Variants in ANXA8 observed in about 807,000 individuals in gnomAD.
The protein encoded by ANXA8 is annexin A8.
A neutral mutation model predicts 26.8 loss-of-function variants in ANXA8; 9 were observed. The observed-to-expected ratio is 0.34, with a 90% CI of 0.20 to 0.59. The LOEUF (loss-of-function observed/expected upper bound fraction) is 0.59, where lower values mean the gene tolerates loss of function less well. Ranked by LOEUF, ANXA8 falls within the 20% of genes least tolerant of loss-of-function variation. The pLI, the probability that ANXA8 is intolerant of heterozygous loss-of-function variation, is 0.84. For synonymous variants in ANXA8, 39 were observed against 94.8 expected, an observed-to-expected ratio of 0.41 and a Z score of 3.42; for missense variants, 83 against 238.5, an observed-to-expected ratio of 0.35 and a Z score of 4.29.
the ANXA8 span, among the ~76,000 whole-genome samples, chr10:47,960,012 T>C: frequency 6.7e-6 from 1 of 148,344 alleles, no homozygotes; most frequent in Non-Finnish European, 1.5e-5. Context: ...ACTTGGGATG[T>C]CCAGCCCTGT....
the ANXA8 span, among the ~76,000 whole-genome samples, chr10:47,652,363 G>A: frequency 5.3e-5 from 8 of 151,868 alleles, no homozygotes; most frequent in Admixed American, 1.3e-4. Flanking sequence ...TTGGGAGGCC[G>A]AGGCGAGTGG....
At chr10:47,688,443 A>T in the ANXA8 span, among the ~76,000 whole-genome samples, 1 of 148,504 alleles carries the variant, frequency 6.7e-6, no homozygotes, top group African/African-American at 2.5e-5. Context: ...TTTTTTTGAG[A>T]TGGAGTCTCG....
chr10:47,957,036 G>C, the ANXA8 span, among the ~76,000 whole-genome samples: 4 of 150,410 alleles, frequency 2.7e-5, no homozygotes, highest in Admixed American at 2.6e-4. Flanking sequence ...GGCTCTTTGG[G>C]CTGTGGATGT....
chr10:47,675,686 A>G, the ANXA8 span, among the ~76,000 whole-genome samples: 1 of 151,704 alleles, frequency 6.6e-6, no homozygotes, highest in Non-Finnish European at 1.5e-5. Context: ...ATCTATTTTT[A>G]TATAAAATGT....
At chr10:47,989,011 C>T in the ANXA8 span, among the ~76,000 whole-genome samples, 464 of 150,712 alleles carry the variant, frequency 3.1e-3, 12 homozygotes, top group East Asian at 0.057. Flanking sequence ...CAGACCTGGG[C>T]CAGGTGCTTT....
chr10:47,497,559 C>T, the ANXA8 span, among the ~76,000 whole-genome samples: 1 of 149,148 alleles, frequency 6.7e-6, no homozygotes, highest in African/African-American at 2.5e-5. Flanking sequence ...GTGGAGGTTG[C>T]CGTGAGCCGA....
At chr10:47,921,922 C>G in the ANXA8 span, 1 of 317,956 alleles carries the variant, frequency 3.1e-6, no homozygotes, top group African/African-American at 2.4e-5. Flanking sequence ...GTCTGTTTGC[C>G]TTGTAGGCGT....
the ANXA8 span, among the ~76,000 whole-genome samples, chr10:47,685,881 C>T: frequency 6.7e-6 from 1 of 148,824 alleles, no homozygotes; most frequent in Non-Finnish European, 1.5e-5. Flanking sequence ...GGTTGCAGAA[C>T]ATTTAGGAGA....
the ANXA8 span, among the ~76,000 whole-genome samples, chr10:47,899,968 G>T: frequency 1.3e-5 from 2 of 149,216 alleles, no homozygotes; most frequent in East Asian, 4.0e-4. Flanking sequence ...GTATTTATTA[G>T]AATCTTTTCC....
chr10:47,566,896 G>A, the ANXA8 span, among the ~76,000 whole-genome samples: 180 of 142,570 alleles, frequency 1.3e-3, 2 homozygotes, highest in East Asian at 5.8e-3. Context: ...TACTGCAGGA[G>A]AGGAGCTTGG....
chr10:47,513,665 C>T, the ANXA8 span, among the ~76,000 whole-genome samples: 6 of 139,918 alleles, frequency 4.3e-5, no homozygotes, highest in South Asian at 2.3e-4. Flanking sequence ...GCCAAAATAG[C>T]ACGGTACTGA....
At chr10:47,526,090 A>T in the ANXA8 span, among the ~76,000 whole-genome samples, 55 of 135,928 alleles carry the variant, frequency 4.0e-4, 9 homozygotes, top group Middle Eastern at 0.019. Flanking sequence ...ATATTTTTAA[A>T]AGAATTTTTT....
the ANXA8 span, among the ~76,000 whole-genome samples, chr10:47,989,269 G>A: frequency 1.4e-4 from 19 of 133,960 alleles, no homozygotes; most frequent in African/African-American, 4.8e-4. Flanking sequence ...AACGCAGGTC[G>A]TCTGGGAATG....
chr10:47,484,462 G>C (rs1368928163), upstream of ANXA8: 1 of 1,101,040 alleles, frequency 9.1e-7, no homozygotes, highest in Non-Finnish European at 1.3e-6. Context: ...TTTTCCGGGG[G>C]CAAGGGGCTC....
the ANXA8 span, among the ~76,000 whole-genome samples, chr10:47,529,036 T>TATTTAAA: frequency 1.4e-5 from 2 of 144,340 alleles, no homozygotes; most frequent in Admixed American, 1.4e-4. Context: ...CTATTTAAAG[T>TATTTAAA]TACAAAATAG....
chr10:47,484,170 G>T, upstream of ANXA8: 2 of 906,950 alleles, frequency 2.2e-6, no homozygotes, highest in Non-Finnish European at 1.8e-6. Context: ...CACTGCCCAG[G>T]CCTGCTCTGG....
At chr10:47,716,566 C>A in the ANXA8 span, among the ~76,000 whole-genome samples, 2 of 112,600 alleles carry the variant, frequency 1.8e-5, no homozygotes, top group African/African-American at 4.1e-5. Context: ...AAAGACAATA[C>A]CTCTCAAAAA....
the ANXA8 span, among the ~76,000 whole-genome samples, chr10:47,605,814 T>TA: frequency 1.7e-3 from 252 of 146,244 alleles, 1 homozygote; most frequent in Middle Eastern, 7.1e-3. Flanking sequence ...GGTCAGCACT[T>TA]ATAAACATAG....
chr10:47,941,926 T>C, the ANXA8 span, among the ~76,000 whole-genome samples: 5 of 147,880 alleles, frequency 3.4e-5, no homozygotes, highest in Non-Finnish European at 7.4e-5. Flanking sequence ...TGCTGTATCA[T>C]GTAGTGAAAG....
Sources: allele counts gnomAD v4.1 joint callset (sites outside exome capture counted in the v4.1 genomes callset), GRCh38; gene constraint gnomAD v4.1.1; transcripts MANE v1.5; gene names NCBI Gene and HGNC (gene_info 2026-07-23, HGNC 2026-07-21).